Variants in KIRREL3 observed in about 807,000 individuals in gnomAD.
KIRREL3 encodes kirre like nephrin family adhesion molecule 3.
Under a neutral mutation model 89.7 loss-of-function variants are expected in KIRREL3, and 36 were observed. The ratio of observed to expected loss-of-function variants is 0.40; its 90% CI spans 0.31 to 0.53. The LOEUF is 0.53. Ranked by LOEUF, KIRREL3 falls within the 20% of genes least tolerant of loss-of-function variation. The pLI is 0.49. For missense variants in KIRREL3, 864 were observed against 1,056.6 expected (o/e 0.82, Z 2.53); for synonymous variants, 445 against 441.4 (o/e 1.01, Z -0.10).
intron 1 of KIRREL3, among the ~76,000 whole-genome samples, chr11:126,581,491 C>G (rs902897569): frequency 6.6e-6 from 1 of 152,120 alleles, no homozygotes; most frequent in Non-Finnish European, 1.5e-5. Flanking sequence ...CGTGAGACAC[C>G]GCGCCTGGCC....
chr11:126,569,206 A>G lies in KIRREL3; in HGVS notation c.56-6294T>C, dbSNP rs1490116331. Among the ~76,000 whole-genome samples the G allele has an allele frequency of 6.6e-6, 1 of 152,222 alleles. No individual in the cohort carries two copies. The highest frequency in any genetic ancestry group is 1.9e-4 in the East Asian group (1 of 5,198). Reference sequence around the variant, plus strand: ...AGGGTGATGACAAAGGAAGCCTATTAAGTCACAGGTGATAATGGTACATTT... The same window carrying G: ...AGGGTGATGACAAAGGAAGCCTATTGAGTCACAGGTGATAATGGTACATTT... On this transcript the variant is annotated intron_variant, in intron 1 of 16. Coordinates refer to ENST00000525144, the MANE Select transcript of KIRREL3 (RefSeq NM_032531.4). The surrounding 1 kb of genome is among the most constrained non-coding windows in gnomAD (Gnocchi z 6.5).
At position 126,636,556 on chromosome 11, in the gene KIRREL3, C is replaced by T. The variant is rs4937164; in HGVS notation, c.56-73644G>A. Among the ~76,000 whole-genome samples, 30,523 of 152,024 alleles carry T rather than the reference C, an allele frequency of 0.2. 3,199 individuals are homozygous for T. The highest frequency in any genetic ancestry group is 0.4 in the East Asian group (2,038 of 5,142). Reference sequence around the variant, plus strand: ...AGACATTTGAGTGTCTGCCCCTCATCCTGCCCCCCAGATCTCACTGCTCTC... The same window carrying T: ...AGACATTTGAGTGTCTGCCCCTCATTCTGCCCCCCAGATCTCACTGCTCTC... On this transcript the variant is annotated intron_variant, in intron 1 of 16. Transcript: ENST00000525144. This position sits in a 1 kb window ranked among gnomAD's most constrained non-coding sequence, Gnocchi z 4.4.
At chr11:126,589,011 C>T in intron 1 of KIRREL3, among the ~76,000 whole-genome samples, 1 of 152,126 alleles carries the variant, frequency 6.6e-6, no homozygotes, top group South Asian at 2.1e-4. Context: ...AAGGGGGCTG[C>T]AAGCCCCCAG....
At chr11:126,779,769 G>A (rs1950270786) in intron 1 of KIRREL3, among the ~76,000 whole-genome samples, 1 of 150,174 alleles carries the variant, frequency 6.7e-6, no homozygotes, top group Non-Finnish European at 1.5e-5. Context: ...GTTACTATTG[G>A]TTACTACCAA....
intron 1 of KIRREL3, among the ~76,000 whole-genome samples, chr11:126,832,082 CT>C (rs1943627109): frequency 6.6e-6 from 1 of 152,128 alleles, no homozygotes; most frequent in East Asian, 1.9e-4. Flanking sequence ...GTATTTCTGC[CT>C]TTACACTTTT....
At chr11:126,695,797 CT>C (rs1408832559) in intron 1 of KIRREL3, among the ~76,000 whole-genome samples, 1 of 152,158 alleles carries the variant, frequency 6.6e-6, no homozygotes, top group East Asian at 1.9e-4. Flanking sequence ...AAGAATCTTC[CT>C]TTTCCCATGA....
intron 2 of KIRREL3, among the ~76,000 whole-genome samples, chr11:126,559,845 A>AT (rs199652038): frequency 0.13 from 19,687 of 150,078 alleles, 1,710 homozygotes; most frequent in Non-Finnish European, 0.19. Flanking sequence ...GATTATTATT[A>AT]TTTTTTTTTG....
In KIRREL3 at chr11:126,999,146, A is replaced by ATGTGTG. The variant is rs1398855927; in HGVS notation, c.55+1308_55+1309insCACACA. On this transcript the variant is annotated intron_variant, in intron 1 of 16. Coordinates refer to ENST00000525144, the MANE Select transcript of KIRREL3 (RefSeq NM_032531.4). This position sits in a 1 kb window ranked among gnomAD's most constrained non-coding sequence, Gnocchi z 5.7. ...GAGAAGCACACAACCATATGAATAC[A>ATGTGTG]TGAGTGTGTGTGTGTGTGTGTGTGT... 1.0e-5 allele frequency among the ~76,000 whole-genome samples: 1 copy of ATGTGTG among 98,834 alleles called. No individual in the cohort carries two copies. The highest frequency in any genetic ancestry group is 5.6e-5 in the African/African-American group (1 of 17,772). 64.8% of individuals were successfully genotyped at this position (98,834 alleles called of 152,430 possible).
At chr11:126,988,037 A>G (rs1949918682) in intron 1 of KIRREL3, among the ~76,000 whole-genome samples, 1 of 152,176 alleles carries the variant, frequency 6.6e-6, no homozygotes, top group Non-Finnish European at 1.5e-5. Context: ...TAATCTCCTG[A>G]TATTTTTACT....
intron 7 of KIRREL3, among the ~76,000 whole-genome samples, chr11:126,451,175 ATG>A (rs1956112658): frequency 1.6e-5 from 2 of 123,802 alleles, no homozygotes; most frequent in South Asian, 2.8e-4. Flanking sequence ...GAATGTGTAC[ATG>A]TGTGAATGTG....
intron 1 of KIRREL3, among the ~76,000 whole-genome samples, chr11:126,746,633 C>G (rs888259702): frequency 2.0e-5 from 3 of 152,224 alleles, no homozygotes; most frequent in South Asian, 2.1e-4. Context: ...TCTGGTCCCC[C>G]CTCTCCCTCC....
chr11:126,723,640 T>C lies in KIRREL3; in HGVS notation c.56-160728A>G, dbSNP rs1948265709. Among the ~76,000 whole-genome samples, 1 of 152,234 alleles carries C rather than the reference T, an allele frequency of 6.6e-6. No individual in the cohort carries two copies. ...TTTTCTACTTTTCTATACTGTAAGATTTTTGAAAGCAGTGACTGTGTCATT... is the reference window on the plus strand; with the variant it reads ...TTTTCTACTTTTCTATACTGTAAGACTTTTGAAAGCAGTGACTGTGTCATT... On this transcript the variant is annotated intron_variant, in intron 1 of 16. Transcript: ENST00000525144. The surrounding 1 kb of genome is among the most constrained non-coding windows in gnomAD (Gnocchi z 4.0).
chr11:126,909,075 G>A lies in KIRREL3; in HGVS notation c.55+91380C>T, dbSNP rs193082592. Among the ~76,000 whole-genome samples the A allele has an allele frequency of 2.2e-3, 333 of 152,114 alleles. No homozygotes were observed. Among genetic ancestry groups the A allele is most frequent in the Non-Finnish European group, 4.0e-3 (271 of 67,992 alleles). On this transcript the variant is annotated intron_variant, in intron 1 of 16. Coordinates refer to ENST00000525144, the MANE Select transcript of KIRREL3 (RefSeq NM_032531.4). This position sits in a 1 kb window ranked among gnomAD's most constrained non-coding sequence, Gnocchi z 4.5. Reference sequence around the variant, plus strand: ...TTTTCAAATATTGTCTATTCACTTGGTTGAATCATCTCTGAAGGTGCAGAA... The same window carrying A: ...TTTTCAAATATTGTCTATTCACTTGATTGAATCATCTCTGAAGGTGCAGAA...
chr11:126,536,112 A>C (rs1937846542), intron 2 of KIRREL3, among the ~76,000 whole-genome samples: 1 of 151,598 alleles, frequency 6.6e-6, no homozygotes, highest in Admixed American at 6.6e-5. Context: ...ACTCCATCTC[A>C]AAAAAAAAGA....
intron 1 of KIRREL3, among the ~76,000 whole-genome samples, chr11:126,856,220 A>T (rs1944501765): frequency 6.6e-6 from 1 of 152,192 alleles, no homozygotes; most frequent in Non-Finnish European, 1.5e-5. Context: ...ATCCACCAAG[A>T]TCTTCATTAA....
At position 126,978,801 on chromosome 11, in the gene KIRREL3, A is replaced by G. The variant is rs541177762; in HGVS notation, c.55+21654T>C. On this transcript the variant is annotated intron_variant, in intron 1 of 16. Transcript: ENST00000525144. This position sits in a 1 kb window ranked among gnomAD's most constrained non-coding sequence, Gnocchi z 4.2. Reference sequence around the variant, plus strand: ...AGTGTCTGCTCCCACAGGAGCTACCATATGTGGATGTCCCCTGGGTCCCTA... The same window carrying G: ...AGTGTCTGCTCCCACAGGAGCTACCGTATGTGGATGTCCCCTGGGTCCCTA... Among the ~76,000 whole-genome samples, 3 of 152,224 alleles carry G rather than the reference A, an allele frequency of 2.0e-5. No homozygotes were observed. Among genetic ancestry groups the G allele is most frequent in the Admixed American group, 6.5e-5 (1 of 15,294 alleles).
At chr11:126,625,534 T>C (rs973818004) in intron 1 of KIRREL3, among the ~76,000 whole-genome samples, 4 of 152,240 alleles carry the variant, frequency 2.6e-5, no homozygotes, top group African/African-American at 9.6e-5. Context: ...TCCAATCTTG[T>C]CACTCCCTAG....
rs1409522038 is a variant in KIRREL3 at position 126,579,917 on chromosome 11, C to T, written c.56-17005G>A. On this transcript the variant is annotated intron_variant, in intron 1 of 16. Transcript: ENST00000525144. This position sits in a 1 kb window ranked among gnomAD's most constrained non-coding sequence, Gnocchi z 5.3. ...CTGGAGTGCAGTGGCACAATCTTGG[C>T]TCACTGGAAGCTCCACCTCCTGGAT... is the stretch of plus-strand genomic sequence containing the variant. Among the ~76,000 whole-genome samples, 1 of 151,708 alleles carries T rather than the reference C, an allele frequency of 6.6e-6. No homozygotes were observed. Among genetic ancestry groups the T allele is most frequent in the East Asian group, 1.9e-4 (1 of 5,154 alleles).
At chr11:126,657,890 A>G (rs140809042) in intron 1 of KIRREL3, among the ~76,000 whole-genome samples, 1 of 152,228 alleles carries the variant, frequency 6.6e-6, no homozygotes, top group Non-Finnish European at 1.5e-5. Context: ...AGAGACAAGA[A>G]GGTAATTTGA....
Sources: allele counts gnomAD v4.1 joint callset (sites outside exome capture counted in the v4.1 genomes callset), GRCh38; gene constraint gnomAD v4.1.1; non-coding constraint Gnocchi (gnomAD v3.1); transcripts MANE v1.5; gene names NCBI Gene and HGNC (gene_info 2026-07-23, HGNC 2026-07-21).